The following FAM135B variants were observed in gnomAD, a reference collection of about 807,000 sequenced individuals.
FAM135B encodes family with sequence similarity 135 member B.
Under a neutral mutation model 127.7 loss-of-function variants are expected in FAM135B, and 43 were observed. The ratio of observed to expected loss-of-function variants is 0.34; its 90% CI spans 0.26 to 0.43. The LOEUF is 0.43. FAM135B is among the 20% of genes least tolerant of loss of function. The pLI is 1.00. For synonymous variants in FAM135B, 670 were observed against 665.1 expected (o/e 1.01, Z -0.11); for missense variants, 1,558 against 1,725.6 (o/e 0.90, Z 1.72).
chr8:138,406,159 G>A (rs1183480365), intron 1 of FAM135B, among the ~76,000 whole-genome samples: 1 of 151,202 alleles, frequency 6.6e-6, no homozygotes, highest in Non-Finnish European at 1.5e-5. Flanking sequence ...CTCCCATTTT[G>A]TAGGTTGCCT....
chr8:138,201,415 T>C (rs1817109536), intron 7 of FAM135B, among the ~76,000 whole-genome samples: 1 of 152,048 alleles, frequency 6.6e-6, no homozygotes, highest in Non-Finnish European at 1.5e-5. Flanking sequence ...TAAGTCAAAA[T>C]GCTAATCCAA....
At chr8:138,212,641 C>G (rs968331306) in intron 7 of FAM135B, among the ~76,000 whole-genome samples, 2 of 152,202 alleles carry the variant, frequency 1.3e-5, no homozygotes, top group African/African-American at 4.8e-5. Context: ...GAATACTTAA[C>G]AATCCACATT....
chr8:138,193,564 T>C (rs1187821413), intron 9 of FAM135B, among the ~76,000 whole-genome samples: 2 of 152,190 alleles, frequency 1.3e-5, no homozygotes, highest in Non-Finnish European at 2.9e-5. Context: ...GTTGTTTCAA[T>C]TGCTAAAACT....
chr8:138,163,395 A>G (rs1157247392), intron 12 of FAM135B, among the ~76,000 whole-genome samples: 1 of 152,120 alleles, frequency 6.6e-6, no homozygotes, highest in Non-Finnish European at 1.5e-5. Context: ...CACATGGCAC[A>G]TGTTTAGGCC....
At position 138,463,002 on chromosome 8, in the gene FAM135B, A is replaced by G. The variant is rs1475679846; in HGVS notation, c.-20+33669T>C. Among the ~76,000 whole-genome samples the G allele has an allele frequency of 9.2e-5, 14 of 152,238 alleles. 1 individual carries two copies. Among genetic ancestry groups the G allele is most frequent in the Admixed American group, 9.2e-4 (14 of 15,284 alleles). On this transcript the variant is annotated intron_variant, in intron 1 of 19. Coordinates refer to ENST00000395297, the MANE Select transcript of FAM135B (RefSeq NM_015912.4). ...TTTCATAATAATTGAAAGACCAAGA[A>G]GTAATAATAAATTATTCCCAAAAGA...
At chr8:138,391,296 G>A (rs1229743487) in intron 1 of FAM135B, among the ~76,000 whole-genome samples, 22 of 152,014 alleles carry the variant, frequency 1.4e-4, no homozygotes, top group Admixed American at 1.4e-3. Flanking sequence ...CCATTTTACA[G>A]AGGAGGATCC....
At chr8:138,405,367 C>A (rs1305903768) in intron 1 of FAM135B, among the ~76,000 whole-genome samples, 1 of 113,328 alleles carries the variant, frequency 8.8e-6, no homozygotes, top group Non-Finnish European at 1.7e-5. Flanking sequence ...TTATCCCTCC[C>A]CCCACCCCAC....
chr8:138,258,213 C>T (rs1387688323), intron 4 of FAM135B, among the ~76,000 whole-genome samples: 1 of 152,164 alleles, frequency 6.6e-6, no homozygotes, highest in Non-Finnish European at 1.5e-5. Flanking sequence ...CCAATCCCCA[C>T]CTTTTTTGGT....
chr8:138,251,597 G>A (rs6577902), intron 5 of FAM135B, among the ~76,000 whole-genome samples: 43,029 of 152,104 alleles, frequency 0.28, 7,551 homozygotes, highest in African/African-American at 0.5. Context: ...ACAATGCTTA[G>A]ATAGTCTGAC....
chr8:138,321,075 G>A (rs1056289347), intron 2 of FAM135B, among the ~76,000 whole-genome samples: 2 of 152,034 alleles, frequency 1.3e-5, no homozygotes, highest in Admixed American at 6.6e-5. Flanking sequence ...ACCCAGGTCC[G>A]CAAAGCAAGG....
At chr8:138,334,218 C>T (rs13263652) in intron 2 of FAM135B, among the ~76,000 whole-genome samples, 70,939 of 151,884 alleles carry the variant, frequency 0.47, 18,554 homozygotes, top group Non-Finnish European at 0.61. Flanking sequence ...ACACCATGTC[C>T]GGCCCCATCT....
At position 138,310,766 on chromosome 8, in the gene FAM135B, C is replaced by T. The variant is rs1302715329; in HGVS notation, c.157+75G>A. On this transcript the variant is annotated intron_variant, in intron 3 of 19. Coordinates refer to ENST00000395297, the MANE Select transcript of FAM135B (RefSeq NM_015912.4). Reference sequence around the variant, plus strand: ...GTATGTCTACATGCCTTGCACTCTGCTGTGCCCTGGCGAGCAGTGACAAAG... The same window carrying T: ...GTATGTCTACATGCCTTGCACTCTGTTGTGCCCTGGCGAGCAGTGACAAAG... The T allele has an allele frequency of 2.9e-6, 4 of 1,358,280 alleles. No individual in the cohort carries two copies. In the Admixed American group the frequency reaches 5.2e-5, roughly 18 times the overall value. 84.1% of individuals were successfully genotyped at this position (1,358,280 alleles called of 1,614,324 possible).
intron 2 of FAM135B, among the ~76,000 whole-genome samples, chr8:138,324,281 A>G (rs1213622452): frequency 6.6e-6 from 1 of 152,220 alleles, no homozygotes; most frequent in Admixed American, 6.5e-5. Flanking sequence ...CTGCAGTCAC[A>G]TGACTCCTAA....
intron 3 of FAM135B, among the ~76,000 whole-genome samples, chr8:138,280,745 A>G (rs73439088): frequency 0.02 from 3,073 of 152,230 alleles, 73 homozygotes; most frequent in East Asian, 0.086. Flanking sequence ...ACAGGTTTGG[A>G]TCGATAGGAG....
At chr8:138,138,705 T>C (rs553836363) in intron 18 of FAM135B, among the ~76,000 whole-genome samples, 42 of 152,332 alleles carry the variant, frequency 2.8e-4, no homozygotes, top group Middle Eastern at 3.4e-3. Context: ...AATGAGAACA[T>C]TGAAAAACTG....
intron 1 of FAM135B, among the ~76,000 whole-genome samples, chr8:138,368,512 G>A (rs1055273328): frequency 3.3e-5 from 5 of 152,190 alleles, no homozygotes; most frequent in East Asian, 3.8e-4. Context: ...CATTTGTGTA[G>A]TAAATACTGA....
At chr8:138,427,129 G>C (rs1211405064) in intron 1 of FAM135B, among the ~76,000 whole-genome samples, 1 of 151,894 alleles carries the variant, frequency 6.6e-6, no homozygotes, top group Non-Finnish European at 1.5e-5. Flanking sequence ...ACTCAGGATT[G>C]TAAATACCTT....
At chr8:138,180,305 G>A (rs4461946) in intron 9 of FAM135B, among the ~76,000 whole-genome samples, 59,589 of 151,968 alleles carry the variant, frequency 0.39, 12,397 homozygotes, top group African/African-American at 0.53. Flanking sequence ...GTCTCTGTCC[G>A]TAGGGAGCTT....
chr8:138,308,344 G>A (rs1238666015), intron 3 of FAM135B, among the ~76,000 whole-genome samples: 4 of 152,164 alleles, frequency 2.6e-5, no homozygotes, highest in African/African-American at 4.8e-5. Context: ...AGCCTAGGCT[G>A]GCTAACTCAA....
Sources: allele counts gnomAD v4.1 joint callset (sites outside exome capture counted in the v4.1 genomes callset), GRCh38; gene constraint gnomAD v4.1.1; transcripts MANE v1.5; gene names NCBI Gene and HGNC (gene_info 2026-07-23, HGNC 2026-07-21).